Variants in NKAIN2 observed in about 807,000 individuals in gnomAD.
NKAIN2 encodes sodium/potassium transporting ATPase interacting 2, also known as sodium/potassium-transporting ATPase subunit beta-1-interacting protein 2.
A neutral mutation model predicts 32.6 loss-of-function variants in NKAIN2; 14 were observed. That is an observed-to-expected ratio of 0.43 (90% CI 0.28 to 0.67). The LOEUF (loss-of-function observed/expected upper bound fraction) is 0.67. Ranked by LOEUF, NKAIN2 falls within the 30% of genes least tolerant of loss-of-function variation. NKAIN2 has a pLI of 0.17. For missense variants in NKAIN2, 198 were observed against 258.3 expected (o/e 0.77, Z 1.60); for synonymous variants, 80 against 87.2 (o/e 0.92, Z 0.46).
chr6:124,549,839 A>T (rs1406637337), intron 3 of NKAIN2, among the ~76,000 whole-genome samples: 1 of 152,200 alleles, frequency 6.6e-6, no homozygotes, highest in Non-Finnish European at 1.5e-5. Flanking sequence ...AGTGCTTCAT[A>T]TCAGGGGGTA....
chr6:124,720,219 T>C (rs1396940477), intron 4 of NKAIN2, among the ~76,000 whole-genome samples: 3 of 152,210 alleles, frequency 2.0e-5, no homozygotes, highest in African/African-American at 7.2e-5. Context: ...TGTCAGACAC[T>C]TCTACAGTCA....
At chr6:124,417,059 A>G (rs1464066927) in intron 3 of NKAIN2, among the ~76,000 whole-genome samples, 5 of 152,224 alleles carry the variant, frequency 3.3e-5, no homozygotes, top group Non-Finnish European at 5.9e-5. Flanking sequence ...CTTGTTTTCA[A>G]TTAAAGAAAT....
At chr6:124,671,308 T>A (rs1448568894) in intron 4 of NKAIN2, among the ~76,000 whole-genome samples, 4 of 152,126 alleles carry the variant, frequency 2.6e-5, no homozygotes, top group African/African-American at 9.6e-5. Context: ...GGTTATAACG[T>A]TAACTGAGAA....
intron 2 of NKAIN2, among the ~76,000 whole-genome samples, chr6:124,341,166 T>C (rs964925398): frequency 6.6e-6 from 1 of 152,144 alleles, no homozygotes; most frequent in Non-Finnish European, 1.5e-5. Context: ...AAACCGTTTT[T>C]TGCAAAATGG....
chr6:124,794,440 A>G (rs1020283340), intron 5 of NKAIN2, among the ~76,000 whole-genome samples: 2 of 152,156 alleles, frequency 1.3e-5, no homozygotes, highest in African/African-American at 4.8e-5. Flanking sequence ...TCAATCATCT[A>G]ATAAGCCTTT....
In NKAIN2 at chr6:124,283,088, C is replaced by T. The variant is rs746180378; in HGVS notation, c.138C>T (p.Ile46=). The change falls in exon 2 of 7, where the codon ATC becomes ATT. Residue 46 remains isoleucine, a synonymous_variant. Coordinates refer to ENST00000368417, the MANE Select transcript of NKAIN2 (RefSeq NM_001040214.3). ...PILANFVHII[I]VILGLFGTIQ... ...TGGCAAATTTTGTACATATTATTATCGTCATTCTTGGTTTGTTTGGAACTA... is the reference window on the plus strand; with the variant it reads ...TGGCAAATTTTGTACATATTATTATTGTCATTCTTGGTTTGTTTGGAACTA... The T allele has an allele frequency of 2.5e-6, 4 of 1,608,882 alleles. No individual in the cohort carries two copies. The highest frequency in any genetic ancestry group is 2.6e-6 in the Non-Finnish European group (3 of 1,175,484).
chr6:124,287,011 A>AT (rs1004317799), intron 2 of NKAIN2, among the ~76,000 whole-genome samples: 2 of 151,982 alleles, frequency 1.3e-5, no homozygotes, highest in African/African-American at 4.8e-5. Context: ...TTCTTTGCTA[A>AT]TTTTTTACCC....
At chr6:123,912,667 C>G (rs1054869718) in intron 1 of NKAIN2, among the ~76,000 whole-genome samples, 5 of 152,176 alleles carry the variant, frequency 3.3e-5, no homozygotes, top group African/African-American at 1.2e-4. Context: ...CAGGTGATGC[C>G]TACTCCCCTT....
intron 1 of NKAIN2, among the ~76,000 whole-genome samples, chr6:124,123,401 C>T: frequency 6.6e-6 from 1 of 152,006 alleles, no homozygotes; most frequent in East Asian, 1.9e-4. Flanking sequence ...AAATAAATTC[C>T]AAAATGTAAA....
At chr6:124,390,169 A>G (rs1336446677) in intron 3 of NKAIN2, among the ~76,000 whole-genome samples, 2 of 152,098 alleles carry the variant, frequency 1.3e-5, no homozygotes, top group Admixed American at 6.6e-5. Flanking sequence ...CCTCCTATCA[A>G]CAACTCAAAG....
intron 3 of NKAIN2, among the ~76,000 whole-genome samples, chr6:124,447,527 A>G (rs762047505): frequency 6.6e-6 from 1 of 152,000 alleles, no homozygotes; most frequent in Admixed American, 6.6e-5. Context: ...ACAAAGGAAT[A>G]CTCTGCTTGG....
chr6:124,608,955 G>A (rs138558674), intron 3 of NKAIN2, among the ~76,000 whole-genome samples: 11 of 152,222 alleles, frequency 7.2e-5, no homozygotes, highest in African/African-American at 2.2e-4. Context: ...GTCAATCTGC[G>A]GTGTATACAC....
chr6:124,474,858 T>TA (rs1249702614), intron 3 of NKAIN2, among the ~76,000 whole-genome samples: 1 of 96,702 alleles, frequency 1.0e-5, no homozygotes, highest in Non-Finnish European at 2.2e-5. Context: ...TATACATATA[T>TA]ATTTTATATA....
chr6:124,487,703 A>G lies in NKAIN2; in HGVS notation c.273+132356A>G, dbSNP rs530120953. 4.6e-5 allele frequency among the ~76,000 whole-genome samples: 7 copies of G among 152,072 alleles called. No individual in the cohort carries two copies. In the East Asian group the frequency reaches 1.4e-3, roughly 30 times the overall value. On this transcript the variant is annotated intron_variant, in intron 3 of 6. Transcript: ENST00000368417. Reference sequence around the variant, plus strand: ...TTCTCTTTTTACCTTTATATTTCTTATTTCCTGTTTAGAAGCAAATGAAGG... The same window carrying G: ...TTCTCTTTTTACCTTTATATTTCTTGTTTCCTGTTTAGAAGCAAATGAAGG...
At chr6:124,345,253 T>A (rs952968302) in intron 2 of NKAIN2, among the ~76,000 whole-genome samples, 17 of 152,168 alleles carry the variant, frequency 1.1e-4, no homozygotes, top group African/African-American at 4.1e-4. Context: ...TATTGATGAT[T>A]TTTGCATCAA....
intron 1 of NKAIN2, among the ~76,000 whole-genome samples, chr6:124,194,232 T>G (rs1017130332): frequency 4.2e-4 from 64 of 151,858 alleles, no homozygotes; most frequent in Admixed American, 4.0e-3. Context: ...AGATCTAGTC[T>G]GCCTCCTGCC....
intron 6 of NKAIN2, 79 bp downstream of exon 6, chr6:124,818,547 G>A: frequency 1.7e-6 from 1 of 588,350 alleles, no homozygotes; most frequent in South Asian, 2.9e-5. Context: ...AAAATTGATG[G>A]CATGCAGCTT....
chr6:124,000,696 A>T (rs1387255150), intron 1 of NKAIN2, among the ~76,000 whole-genome samples: 1 of 152,086 alleles, frequency 6.6e-6, no homozygotes, highest in African/African-American at 2.4e-5. Context: ...GCTAGAGAGC[A>T]TGTTACTCTC....
At chr6:124,290,257 A>G (rs1001976628) in intron 2 of NKAIN2, among the ~76,000 whole-genome samples, 7 of 152,196 alleles carry the variant, frequency 4.6e-5, no homozygotes, top group African/African-American at 1.7e-4. Context: ...TGTGGTACAT[A>G]TAAATAATTA....
Sources: gnomAD v4.1 joint callset for allele counts (sites outside exome capture counted in the v4.1 genomes callset) on GRCh38, gnomAD v4.1.1 for gene constraint, MANE v1.5 for transcripts, NCBI Gene and HGNC (gene_info 2026-07-23, HGNC 2026-07-21) for gene names.